The following SLC7A2 variants were observed in gnomAD, a reference collection of about 807,000 sequenced individuals.
SLC7A2 encodes solute carrier family 7 member 2.
Under a neutral mutation model 58.9 loss-of-function variants are expected in SLC7A2, and 48 were observed. The ratio of observed to expected loss-of-function variants is 0.82; its 90% CI spans 0.65 to 1.04. The LOEUF is 1.04. Ranked by LOEUF, SLC7A2 falls within the 50% of genes least tolerant of loss-of-function variation. SLC7A2 has a pLI of 0.00. For missense variants in SLC7A2, 1,029 were observed against 818.8 expected (o/e 1.26, Z -3.13); for synonymous variants, 363 against 314.5 (o/e 1.15, Z -1.63).
chr8:17,563,530 C>T, intron 11 of SLC7A2, 73 bp from the exon 12 acceptor site: 1 of 884,776 alleles, frequency 1.1e-6, no homozygotes, highest in Non-Finnish European at 1.9e-6. Flanking sequence ...AATTAATTGC[C>T]ACCCTGTTGA....
chr8:17,494,555 G>A (rs756482189), upstream of SLC7A2, among the ~76,000 whole-genome samples: 12 of 152,170 alleles, frequency 7.9e-5, no homozygotes, highest in Non-Finnish European at 1.6e-4. Context: ...CGGGCAGCAA[G>A]AGAAAATGCA....
rs1802617631 is a variant in SLC7A2 at position 17,554,857 on chromosome 8, T to G, written c.1195+158T>G. 3 of 1,493,230 alleles carry G rather than the reference T, an allele frequency of 2.0e-6. No homozygotes were observed. The East Asian group carries it at 6.8e-5, about 34-fold the overall frequency. 92.5% of individuals were successfully genotyped at this position (1,493,230 alleles called of 1,614,324 possible). A position where few individuals can be genotyped will look rare whatever the true frequency, so the allele number is the denominator to read the frequency against. ...TATTTTGAATTTTTTGGTTCTGCATTTTCGTGTGTCCAGTCTTTACCTGTC... is the reference window on the plus strand; with the variant it reads ...TATTTTGAATTTTTTGGTTCTGCATGTTCGTGTGTCCAGTCTTTACCTGTC... On this transcript the variant is annotated intron_variant, in intron 8 of 12. Coordinates refer to ENST00000494857, the MANE Select transcript of SLC7A2 (RefSeq NM_001370338.1).
At chr8:17,508,993 A>C (rs1182607635) in intron 2 of SLC7A2, among the ~76,000 whole-genome samples, 4 of 151,958 alleles carry the variant, frequency 2.6e-5, no homozygotes, top group African/African-American at 9.7e-5. Context: ...TGTGTTGGTG[A>C]AAGTTGGAGA....
chr8:17,553,342 C>T (rs1426652734), intron 7 of SLC7A2, among the ~76,000 whole-genome samples: 3 of 152,210 alleles, frequency 2.0e-5, no homozygotes, highest in African/African-American at 7.2e-5. Flanking sequence ...TGAGCCACCA[C>T]ACCCGGCCTT....
At chr8:17,512,559 C>T (rs1035217240) in intron 2 of SLC7A2, among the ~76,000 whole-genome samples, 5 of 152,010 alleles carry the variant, frequency 3.3e-5, no homozygotes, top group African/African-American at 1.2e-4. Flanking sequence ...AACAAACAAA[C>T]ACATAGAACC....
At chr8:17,548,645 C>G in intron 4 of SLC7A2, 33 bp from the exon 5 acceptor site, 1 of 1,541,772 alleles carries the variant, frequency 6.5e-7, no homozygotes, top group Non-Finnish European at 8.9e-7. Context: ...TTTCCTAAAG[C>G]TAAATAAAAA....
intron 4 of SLC7A2, among the ~76,000 whole-genome samples, chr8:17,546,771 A>T (rs996618505): frequency 1.3e-5 from 2 of 152,158 alleles, no homozygotes; most frequent in African/African-American, 4.8e-5. Flanking sequence ...GGTGGTATAG[A>T]TACGGGGAAC....
chr8:17,520,723 G>C, intron 2 of SLC7A2: 1 of 892,232 alleles, frequency 1.1e-6, no homozygotes. Flanking sequence ...GTTTCAAGGA[G>C]GAGATGGGAG....
intron 4 of SLC7A2, among the ~76,000 whole-genome samples, chr8:17,546,152 A>G (rs558413544): frequency 2.6e-5 from 4 of 152,200 alleles, no homozygotes; most frequent in Non-Finnish European, 5.9e-5. Flanking sequence ...TATTTCCATC[A>G]TATTTTATTT....
rs145799230 is a variant in SLC7A2, at chr8:17,565,201, A to G, written c.*55A>G. The G allele has an allele frequency of 7.2e-6, 10 of 1,385,974 alleles. No individual in the cohort carries two copies. Among genetic ancestry groups the G allele is most frequent in the South Asian group, 5.4e-5 (4 of 74,066 alleles). The allele number at this position is 1,385,974 out of a possible 1,614,324, so 85.9% of individuals were successfully genotyped here. On this transcript the variant is annotated 3_prime_UTR_variant, in exon 13 of 13. Transcript: ENST00000494857. ...TTAGCATACATATCCTACACTGAGT[A>G]AACCGTAACGGGATGTCATCAGCAT... is the stretch of plus-strand genomic sequence containing the variant.
At chr8:17,539,252 A>G (rs17504840) in intron 2 of SLC7A2, among the ~76,000 whole-genome samples, 21,010 of 152,160 alleles carry the variant, frequency 0.14, 1,992 homozygotes, top group Non-Finnish European at 0.21. Flanking sequence ...GAAGGAATTT[A>G]GCTTTTTGGC....
intron 2 of SLC7A2, among the ~76,000 whole-genome samples, chr8:17,511,800 A>T (rs973236785): frequency 3.9e-4 from 59 of 152,140 alleles, no homozygotes; most frequent in Non-Finnish European, 7.5e-4. Context: ...TTTCCATTTA[A>T]AATTTAGACT....
rs1199934030 is a variant in SLC7A2, at chr8:17,543,499, G to T, written c.160G>T (p.Val54Phe). Residue 54 changes from valine to phenylalanine, a missense_variant, in exon 3 of 13, where the codon GTC (valine) becomes TTC (phenylalanine). Physicochemically the swap from Val to Phe is conservative, Grantham distance 50. Transcript: ENST00000494857. ...VGSTLGAGVY[V>F]LAGEVAKADS... Reference sequence around the variant, plus strand: ...AAGCACCCTTGGGGCCGGGGTTTATGTCCTCGCTGGGGAGGTGGCCAAGGC... The same window carrying T: ...AAGCACCCTTGGGGCCGGGGTTTATTTCCTCGCTGGGGAGGTGGCCAAGGC... 2 of 1,614,080 alleles carry T rather than the reference G, an allele frequency of 1.2e-6. No homozygotes were observed. The highest frequency in any genetic ancestry group is 1.7e-5 in the Admixed American group (1 of 60,006).
chr8:17,568,384 A>G lies in SLC7A2; in HGVS notation c.*3238A>G, dbSNP rs564193669. On this transcript the variant is annotated 3_prime_UTR_variant, in exon 13 of 13. Coordinates refer to ENST00000494857, the MANE Select transcript of SLC7A2 (RefSeq NM_001370338.1). ...TTTGATATATACTAAAATACTGATT[A>G]TCTTAATCACATTTTCCCCAGAGAT... is the stretch of plus-strand genomic sequence containing the variant. 1 of 152,298 alleles carries G rather than the reference A, an allele frequency of 6.6e-6. No homozygotes were observed. Among genetic ancestry groups the G allele is most frequent in the East Asian group, 1.9e-4 (1 of 5,176 alleles). The allele number at this position is 152,298 out of a possible 1,614,324, so 9.4% of individuals were successfully genotyped here. A position where few individuals can be genotyped will look rare whatever the true frequency, so the allele number is the denominator to read the frequency against.
chr8:17,543,563 C>A lies in SLC7A2; in HGVS notation c.224C>A (p.Ala75Asp). 6.2e-7 allele frequency: 1 copy of A among 1,611,188 alleles called. No homozygotes were observed. Among genetic ancestry groups the A allele is most frequent in the South Asian group, 1.1e-5 (1 of 90,572 alleles). ...AGCATCGTGGTGTCCTTCCTCATTG[C>A]TGCCCTGGCTTCAGTGATGGCTGGC... ...GPSIVVSFLI[A>D]ALASVMAGLC... Residue 75 changes from alanine to aspartate, a missense_variant, in exon 3 of 13, where the codon GCT (alanine) becomes GAT (aspartate). By Grantham distance (126) the Ala-to-Asp change is moderately radical. Coordinates refer to ENST00000494857, the MANE Select transcript of SLC7A2 (RefSeq NM_001370338.1).
chr8:17,538,741 T>G, intron 2 of SLC7A2: 1 of 1,558,902 alleles, frequency 6.4e-7, no homozygotes, highest in Non-Finnish European at 8.7e-7. Context: ...AGATCCCTAC[T>G]TATCTATACG....
intron 2 of SLC7A2, among the ~76,000 whole-genome samples, chr8:17,518,407 G>A (rs1335998706): frequency 6.6e-6 from 1 of 152,074 alleles, no homozygotes; most frequent in Non-Finnish European, 1.5e-5. Flanking sequence ...TTTCATCTCA[G>A]TTTAGAATGT....
At chr8:17,555,961 GA>G (rs1802682470) in intron 8 of SLC7A2, among the ~76,000 whole-genome samples, 1 of 152,154 alleles carries the variant, frequency 6.6e-6, no homozygotes, top group African/African-American at 2.4e-5. Context: ...CAATTTCGTT[GA>G]GGCTCTGAAT....
intron 2 of SLC7A2, among the ~76,000 whole-genome samples, chr8:17,534,223 G>A (rs1415520714): frequency 6.6e-6 from 1 of 152,082 alleles, no homozygotes; most frequent in Non-Finnish European, 1.5e-5. Flanking sequence ...CAGGTCTTTG[G>A]GATTTCCTTG....
Sources: allele counts gnomAD v4.1 joint callset (sites outside exome capture counted in the v4.1 genomes callset), GRCh38; gene constraint gnomAD v4.1.1; transcripts MANE v1.5; gene names NCBI Gene and HGNC (gene_info 2026-07-23, HGNC 2026-07-21).